STAM: variants seen among roughly 807,000 people sequenced by gnomAD.
STAM encodes signal transducing adapter molecule 1.
A neutral mutation model predicts 63.4 loss-of-function variants in STAM; 16 were observed. The ratio of observed to expected loss-of-function variants is 0.25; its 90% CI spans 0.17 to 0.38. The LOEUF (loss-of-function observed/expected upper bound fraction) is 0.38, where lower values mean the gene tolerates loss of function less well. STAM is among the 10% of genes least tolerant of loss of function. STAM has a pLI of 1.00. For missense variants in STAM, 636 were observed against 657.1 expected (o/e 0.97, Z 0.35); for synonymous variants, 238 against 223.9 (o/e 1.06, Z -0.56).
chr10:17,698,157 G>A (rs747979930), intron 8 of STAM, among the ~76,000 whole-genome samples: 2 of 152,140 alleles, frequency 1.3e-5, no homozygotes, highest in African/African-American at 4.8e-5. Flanking sequence ...AGGGTGTCTG[G>A]TGTCATTTTT....
At chr10:17,652,972 TA>T (rs1357937605) in intron 1 of STAM, among the ~76,000 whole-genome samples, 2 of 152,222 alleles carry the variant, frequency 1.3e-5, no homozygotes, top group Admixed American at 1.3e-4. Flanking sequence ...AGACAGCCTC[TA>T]AATCCTTGGA....
chr10:17,685,536 C>G (rs1485917484), intron 4 of STAM, among the ~76,000 whole-genome samples: 1 of 152,130 alleles, frequency 6.6e-6, no homozygotes, highest in Non-Finnish European at 1.5e-5. Context: ...GGAACTTACA[C>G]AGGAGGGCTG....
rs555630389 is a variant in STAM, at chr10:17,652,726, C to T, written c.41-7738C>T. On this transcript the variant is annotated intron_variant, in intron 1 of 13. Coordinates refer to ENST00000377524, the MANE Select transcript of STAM (RefSeq NM_003473.4). ...TGAATTAATTATTAAAATGCACTAC[C>T]AGACCAAAGTAATAACATGCTTTCC... Among the ~76,000 whole-genome samples, 33 of 151,904 alleles carry T rather than the reference C, an allele frequency of 2.2e-4. No individual in the cohort carries two copies. In the South Asian group the frequency reaches 6.7e-3, roughly 31 times the overall value.
chr10:17,667,333 C>A (rs1554823552), intron 2 of STAM, among the ~76,000 whole-genome samples: 1 of 152,066 alleles, frequency 6.6e-6, no homozygotes, highest in Non-Finnish European at 1.5e-5. Flanking sequence ...ACGTATTGGT[C>A]AGGTGGCCTT....
rs1014676484 is a variant in STAM at position 17,667,516 on chromosome 10, G to A, written c.125+6968G>A. Among the ~76,000 whole-genome samples the A allele has an allele frequency of 1.8e-4, 27 of 151,960 alleles. 1 individual carries two copies. The highest frequency in any genetic ancestry group is 2.6e-4 in the Non-Finnish European group (18 of 68,008). ...TTCTTTAATTCGTTTCATTCTCTTT[G>A]CGTTCGTCATTTTTTCTTTTATTTG... On this transcript the variant is annotated intron_variant, in intron 2 of 13. Coordinates refer to ENST00000377524, the MANE Select transcript of STAM (RefSeq NM_003473.4).
chr10:17,714,705 A>G lies in STAM; in HGVS notation c.1548A>G (p.Ser516=). 6.2e-7 allele frequency: 1 copy of G among 1,614,102 alleles called. No individual in the cohort carries two copies. The highest frequency in any genetic ancestry group is 8.5e-7 in the Non-Finnish European group (1 of 1,180,026). The change falls in exon 14 of 14, where the codon TCA becomes TCG. Residue 516 remains serine, a synonymous_variant. Transcript: ENST00000377524. ...PQVPNYNLTS[S]TLPQPGGSQQ... is the part of the protein sequence containing the mutation. ...TGCCAAACTATAACTTAACATCATC[A>G]ACTCTGCCTCAGCCCGGAGGCAGCC...
At chr10:17,697,731 C>G (rs532948312) in intron 8 of STAM, among the ~76,000 whole-genome samples, 240 of 151,518 alleles carry the variant, frequency 1.6e-3, no homozygotes, top group African/African-American at 5.6e-3. Flanking sequence ...TCTAGGAAAA[C>G]AGAAAAATAT....
chr10:17,668,436 A>G (rs1281712212), intron 2 of STAM, among the ~76,000 whole-genome samples: 2 of 152,236 alleles, frequency 1.3e-5, no homozygotes, highest in Non-Finnish European at 2.9e-5. Context: ...ATATTGATAC[A>G]TTACTATTAA....
chr10:17,646,718 C>T (rs1444687135), intron 1 of STAM, among the ~76,000 whole-genome samples: 6 of 152,170 alleles, frequency 3.9e-5, no homozygotes, highest in African/African-American at 1.4e-4. Context: ...TCTAAGAAGA[C>T]CCCTCAGAGA....
chr10:17,685,006 G>A, intron 4 of STAM, 79 bp downstream of exon 4: 1 of 1,159,924 alleles, frequency 8.6e-7, no homozygotes, highest in South Asian at 1.4e-5. Flanking sequence ...CTTCACAGAG[G>A]ACTATTCTGT....
intron 8 of STAM, 61 bp from the exon 9 acceptor site, chr10:17,700,130 T>A (rs1378915558): frequency 7.4e-7 from 1 of 1,348,166 alleles, no homozygotes; most frequent in African/African-American, 1.5e-5. Flanking sequence ...GAAGTTAAAG[T>A]GCTTTAAAGT....
chr10:17,662,774 T>G (rs781897894), intron 2 of STAM, among the ~76,000 whole-genome samples: 5 of 152,186 alleles, frequency 3.3e-5, no homozygotes, highest in African/African-American at 4.8e-5. Context: ...GTTGTGACTT[T>G]GAGATTAGCT....
At position 17,708,784 on chromosome 10, in the gene STAM, A is replaced by C. The variant is rs374511706; in HGVS notation, c.1218A>C (p.Ala406=). ...CTCTTTAACCATCGCAGGTGTATGC[A>C]GGGCCTCCTCCAAGTGGTGCCTACC... ...SSGVSGSQVY[A]GPPPSGAYLV... The change falls in exon 13 of 14, where the codon GCA becomes GCC. Residue 406 remains alanine, a synonymous_variant. Transcript: ENST00000377524. The C allele has an allele frequency of 4.3e-6, 7 of 1,612,968 alleles. No individual in the cohort carries two copies. The highest frequency in any genetic ancestry group is 5.9e-6 in the Non-Finnish European group (7 of 1,179,232).
intron 13 of STAM, 114 bp downstream of exon 13, chr10:17,709,065 C>T (rs1263413576): frequency 7.9e-6 from 10 of 1,268,296 alleles, no homozygotes; most frequent in African/African-American, 4.5e-5. Flanking sequence ...CAGCGTCATG[C>T]GGCCGCCCCA....
At chr10:17,682,749 C>T (rs782731329) in intron 2 of STAM, among the ~76,000 whole-genome samples, 11 of 152,016 alleles carry the variant, frequency 7.2e-5, no homozygotes, top group Non-Finnish European at 1.3e-4. Context: ...TGTGTAATGC[C>T]AGTCAGGTCA....
rs561549649 is a variant in STAM at position 17,667,855 on chromosome 10, C to G, written c.125+7307C>G. Among the ~76,000 whole-genome samples, 8 of 152,288 alleles carry G rather than the reference C, an allele frequency of 5.3e-5. No homozygotes were observed. In the South Asian group the frequency reaches 1.2e-3, roughly 24 times the overall value. ...GCTGAATGCTACAAGGTAGAGAAAA[C>G]TTGATGCCTTCTAAGAACTTGAAAG... is the stretch of plus-strand genomic sequence containing the variant. On this transcript the variant is annotated intron_variant, in intron 2 of 13. Coordinates refer to ENST00000377524, the MANE Select transcript of STAM (RefSeq NM_003473.4).
chr10:17,655,217 T>A (rs1247757803), intron 1 of STAM, among the ~76,000 whole-genome samples: 1 of 152,174 alleles, frequency 6.6e-6, no homozygotes, highest in Non-Finnish European at 1.5e-5. Flanking sequence ...CTACTTCTGG[T>A]AGGGTATGGC....
chr10:17,678,422 T>G (rs139260110), intron 2 of STAM, among the ~76,000 whole-genome samples: 86 of 152,082 alleles, frequency 5.7e-4, no homozygotes, highest in African/African-American at 2.0e-3. Context: ...CTGGCTAAGT[T>G]TTTGTATTTG....
rs139803709 is a variant in STAM, at chr10:17,671,968, A to G, written c.125+11420A>G. 3.9e-3 allele frequency among the ~76,000 whole-genome samples: 599 copies of G among 152,282 alleles called. 3 individuals are homozygous for G. The highest frequency in any genetic ancestry group is 0.014 in the African/African-American group (562 of 41,568). Reference sequence around the variant, plus strand: ...ACAATAATTTCCTTTAGAGTATACAATCTTCCTGTCACTGCTCGGCATATG... The same window carrying G: ...ACAATAATTTCCTTTAGAGTATACAGTCTTCCTGTCACTGCTCGGCATATG... On this transcript the variant is annotated intron_variant, in intron 2 of 13. Coordinates refer to ENST00000377524, the MANE Select transcript of STAM (RefSeq NM_003473.4).
Sources: allele counts gnomAD v4.1 joint callset (sites outside exome capture counted in the v4.1 genomes callset), GRCh38; gene constraint gnomAD v4.1.1; transcripts MANE v1.5; gene names NCBI Gene and HGNC (gene_info 2026-07-23, HGNC 2026-07-21).